RIMS1: variants seen among roughly 807,000 people sequenced by gnomAD.
RIMS1 encodes the protein regulating synaptic membrane exocytosis protein 1.
A neutral mutation model predicts 214.1 loss-of-function variants in RIMS1; 83 were observed. The ratio of observed to expected loss-of-function variants is 0.39; its 90% CI spans 0.32 to 0.47. The LOEUF (loss-of-function observed/expected upper bound fraction) is 0.47. RIMS1 is among the 20% of genes least tolerant of loss of function. The pLI is 0.99. For missense variants in RIMS1, 2,050 were observed against 2,161.8 expected, an observed-to-expected ratio of 0.95 and a Z score of 1.03; for synonymous variants, 793 against 786.8, an observed-to-expected ratio of 1.01 and a Z score of -0.13.
intron 1 of RIMS1, among the ~76,000 whole-genome samples, chr6:71,900,330 T>C (rs1773215257): frequency 6.6e-6 from 1 of 151,972 alleles, no homozygotes; most frequent in Non-Finnish European, 1.5e-5. Flanking sequence ...TTTGGAGAGG[T>C]AGGCAGAAAC....
chr6:72,077,161 C>T (rs1832124479), intron 2 of RIMS1, among the ~76,000 whole-genome samples: 2 of 152,162 alleles, frequency 1.3e-5, no homozygotes, highest in South Asian at 2.1e-4. Flanking sequence ...CCTTCAGGAT[C>T]CCACTCCTCA....
intron 2 of RIMS1, among the ~76,000 whole-genome samples, chr6:72,087,528 A>G (rs72934866): frequency 0.14 from 20,863 of 152,198 alleles, 1,609 homozygotes; most frequent in Middle Eastern, 0.19. Flanking sequence ...TTTTTCTACT[A>G]AAGGTTGACT....
At chr6:72,016,722 CT>C (rs1345050958) in intron 2 of RIMS1, among the ~76,000 whole-genome samples, 2 of 152,034 alleles carry the variant, frequency 1.3e-5, no homozygotes, top group African/African-American at 4.8e-5. Context: ...CTGTAGTCTT[CT>C]TTTAACTGTA....
chr6:72,147,786 C>T (rs912570747), intron 4 of RIMS1, among the ~76,000 whole-genome samples: 1 of 152,120 alleles, frequency 6.6e-6, no homozygotes, highest in African/African-American at 2.4e-5. Context: ...CTTTTATTAC[C>T]TGACCTTAGC....
chr6:72,306,715 G>A (rs1230552468), intron 26 of RIMS1, among the ~76,000 whole-genome samples: 1 of 152,112 alleles, frequency 6.6e-6, no homozygotes, highest in Non-Finnish European at 1.5e-5. Context: ...TAAGGACTGG[G>A]AAATAGTCAT....
intron 2 of RIMS1, among the ~76,000 whole-genome samples, chr6:72,053,582 A>G (rs975436477): frequency 6.6e-6 from 1 of 152,152 alleles, no homozygotes; most frequent in African/African-American, 2.4e-5. Flanking sequence ...CATGGACTAT[A>G]CACATAAAGA....
At chr6:72,015,457 A>T (rs1584957099) in intron 2 of RIMS1, among the ~76,000 whole-genome samples, 1 of 152,190 alleles carries the variant, frequency 6.6e-6, no homozygotes, top group Non-Finnish European at 1.5e-5. Flanking sequence ...TATATAGAAG[A>T]TCATGTTATC....
At chr6:72,235,941 G>T (rs886073511) in intron 8 of RIMS1, among the ~76,000 whole-genome samples, 1 of 152,024 alleles carries the variant, frequency 6.6e-6, no homozygotes, top group African/African-American at 2.4e-5. Flanking sequence ...GCATTAAAAA[G>T]ATTTAAATGG....
chr6:72,036,318 G>A (rs1258088057), intron 2 of RIMS1, among the ~76,000 whole-genome samples: 1 of 152,132 alleles, frequency 6.6e-6, no homozygotes, highest in Non-Finnish European at 1.5e-5. Context: ...GACTCTCCTG[G>A]TTTGCAGTAA....
intron 1 of RIMS1, among the ~76,000 whole-genome samples, chr6:71,910,240 G>A (rs1181519091): frequency 6.6e-6 from 1 of 152,042 alleles, no homozygotes; most frequent in Non-Finnish European, 1.5e-5. Context: ...GGTTTAAGTA[G>A]AAATACAAAA....
chr6:72,209,900 CAAAAAA>C (rs200401100), intron 6 of RIMS1, among the ~76,000 whole-genome samples: 297 of 115,858 alleles, frequency 2.6e-3, no homozygotes, highest in Middle Eastern at 0.018. Flanking sequence ...GACTCTGTCT[CAAAAAA>C]AAAAAAAAAA....
chr6:71,968,633 C>T (rs555109300), intron 1 of RIMS1, among the ~76,000 whole-genome samples: 19 of 152,264 alleles, frequency 1.2e-4, no homozygotes, highest in East Asian at 1.2e-3. Flanking sequence ...AACATATCAA[C>T]GCAACAGCTG....
intron 4 of RIMS1, among the ~76,000 whole-genome samples, chr6:72,151,971 T>C (rs779192110): frequency 5.9e-5 from 9 of 151,874 alleles, no homozygotes; most frequent in Non-Finnish European, 1.3e-4. Flanking sequence ...CAAAGAGAGA[T>C]GGGGGAGGTG....
intron 6 of RIMS1, among the ~76,000 whole-genome samples, chr6:72,217,945 G>C (rs1467235666): frequency 6.6e-6 from 1 of 151,986 alleles, no homozygotes; most frequent in Non-Finnish European, 1.5e-5. Flanking sequence ...TGCCAGTTTG[G>C]AAAAAGACTC....
At chr6:72,184,647 A>C (rs997337309) in intron 6 of RIMS1, among the ~76,000 whole-genome samples, 1 of 152,200 alleles carries the variant, frequency 6.6e-6, no homozygotes, top group African/African-American at 2.4e-5. Flanking sequence ...AAATGTCAAA[A>C]GTAGAAGCAG....
At chr6:71,925,849 C>A (rs192902242) in intron 1 of RIMS1, among the ~76,000 whole-genome samples, 1 of 152,100 alleles carries the variant, frequency 6.6e-6, no homozygotes, top group African/African-American at 2.4e-5. Flanking sequence ...GTTGTCTTAC[C>A]AATTACATTA....
intron 2 of RIMS1, among the ~76,000 whole-genome samples, chr6:71,985,825 A>G (rs570332380): frequency 6.6e-6 from 1 of 152,308 alleles, no homozygotes; most frequent in South Asian, 2.1e-4. Context: ...TGAGACATAC[A>G]TGTATATGTA....
rs1447519582 is a variant in RIMS1, at chr6:72,182,802, T to C, written c.1331T>C (p.Leu444Pro). ...ACCAGGGCGCCGGGCGCCAAGCAGC[T>C]AACGAACCACAGCCCGCCGGCGCCC... ...AETRAPGAKQ[L>P]TNHSPPAPRH... Residue 444 changes from leucine (L) to proline (P), a missense_variant, in exon 6 of 34, where the codon CTA (leucine) becomes CCA (proline). Physicochemically the swap from Leu to Pro is moderately conservative, Grantham distance 98. Around this residue, in one of 6 missense-constraint regions of RIMS1, gnomAD observed 882 missense variants for 828.9 expected, o/e 1.06. Coordinates refer to ENST00000521978, the MANE Select transcript of RIMS1 (RefSeq NM_014989.7). The C allele has an allele frequency of 2.1e-5, 32 of 1,548,434 alleles. No individual in the cohort carries two copies. The highest frequency in any genetic ancestry group is 2.7e-5 in the Non-Finnish European group (31 of 1,150,392).
intron 26 of RIMS1, among the ~76,000 whole-genome samples, chr6:72,304,781 G>A (rs1050835305): frequency 6.6e-6 from 1 of 151,938 alleles, no homozygotes; most frequent in African/African-American, 2.4e-5. Context: ...TAAAAAAAGT[G>A]TGTGATATTA....
Sources: allele counts gnomAD v4.1 joint callset (sites outside exome capture counted in the v4.1 genomes callset), GRCh38; gene constraint gnomAD v4.1.1; regional missense constraint gnomAD v4.1.1; transcripts MANE v1.5; gene names NCBI Gene and HGNC (gene_info 2026-07-23, HGNC 2026-07-21).